ADAMTS2: variants seen among roughly 807,000 people sequenced by gnomAD.
ADAMTS2 encodes the protein A disintegrin and metalloproteinase with thrombospondin motifs 2.
ADAMTS2 carries 50 observed loss-of-function variants against 123.0 expected under a neutral mutation model. The observed-to-expected ratio is 0.41, with a 90% CI of 0.32 to 0.51. The LOEUF (loss-of-function observed/expected upper bound fraction) is 0.51. Among genes scored for constraint, ADAMTS2 ranks in the 20% least tolerant of loss-of-function variants. ADAMTS2 has a pLI of 0.35. For synonymous variants in ADAMTS2, 678 were observed against 695.4 expected (o/e 0.98, Z 0.39); for missense variants, 1,494 against 1,705.2 (o/e 0.88, Z 2.18).
intron 10 of ADAMTS2, among the ~76,000 whole-genome samples, chr5:179,144,708 G>A (rs1039983443): frequency 2.0e-5 from 3 of 152,164 alleles, no homozygotes; most frequent in Admixed American, 6.5e-5. Flanking sequence ...AAAGAATGAC[G>A]TTGGACATCT....
At chr5:179,166,910 G>A (rs1299260716) in intron 5 of ADAMTS2, among the ~76,000 whole-genome samples, 1 of 152,200 alleles carries the variant, frequency 6.6e-6, no homozygotes, top group Non-Finnish European at 1.5e-5. Flanking sequence ...CAGCGAACGC[G>A]GCCAGAGGAC....
intron 2 of ADAMTS2, among the ~76,000 whole-genome samples, chr5:179,299,983 A>C (rs1461097320): frequency 2.7e-5 from 4 of 150,690 alleles, no homozygotes; most frequent in African/African-American, 9.8e-5. Flanking sequence ...AGTCCCAGCT[A>C]CTCTGGAGGC....
intron 18 of ADAMTS2, 80 bp from the exon 19 acceptor site, chr5:179,125,260 T>C: frequency 1.5e-6 from 2 of 1,354,572 alleles, no homozygotes; most frequent in South Asian, 2.3e-5. Flanking sequence ...CGCCGCTCCC[T>C]GCAGCCCAGG....
At chr5:179,184,701 C>A (rs1277529706) in intron 4 of ADAMTS2, among the ~76,000 whole-genome samples, 2 of 152,076 alleles carry the variant, frequency 1.3e-5, no homozygotes, top group Non-Finnish European at 2.9e-5. Flanking sequence ...CACCCTGGGA[C>A]CCAGAATGGC....
chr5:179,231,826 G>A (rs549214792), intron 3 of ADAMTS2, among the ~76,000 whole-genome samples: 1 of 151,062 alleles, frequency 6.6e-6, no homozygotes, highest in Non-Finnish European at 1.5e-5. Flanking sequence ...GAGGGGGTAG[G>A]ATCACTTGAG....
intron 4 of ADAMTS2, among the ~76,000 whole-genome samples, chr5:179,195,311 A>T (rs1489361581): frequency 6.6e-6 from 1 of 151,990 alleles, no homozygotes; most frequent in East Asian, 1.9e-4. Flanking sequence ...CAGCCCCGGG[A>T]GTTGGCACTG....
intron 4 of ADAMTS2, among the ~76,000 whole-genome samples, chr5:179,186,725 A>G (rs565942539): frequency 6.6e-6 from 1 of 151,746 alleles, no homozygotes; most frequent in Non-Finnish European, 1.5e-5. Context: ...ACAGAAGGCG[A>G]CCTCCACATG....
chr5:179,329,197 G>T (rs553739050), intron 2 of ADAMTS2, among the ~76,000 whole-genome samples: 2 of 152,000 alleles, frequency 1.3e-5, no homozygotes, highest in African/African-American at 4.8e-5. Context: ...TGTGGTGGCG[G>T]GCGCCTGTAG....
At chr5:179,206,031 T>C (rs1185133679) in intron 4 of ADAMTS2, among the ~76,000 whole-genome samples, 1 of 152,162 alleles carries the variant, frequency 6.6e-6, no homozygotes, top group Non-Finnish European at 1.5e-5. Context: ...AGTGCTGGGA[T>C]TACAGGCGTG....
rs1244125229 is a variant in ADAMTS2 at position 179,162,700 on chromosome 5, C to A, written c.976-3821G>T. ...TTGATAGAATCTCAGTCCCGCCTACCGCAGGGCATGGACATTAAGAGACTG... is the reference window on the plus strand; with the variant it reads ...TTGATAGAATCTCAGTCCCGCCTACAGCAGGGCATGGACATTAAGAGACTG... On this transcript the variant is annotated intron_variant, in intron 5 of 21. Coordinates refer to ENST00000251582, the MANE Select transcript of ADAMTS2 (RefSeq NM_014244.5). This position sits in a 1 kb window ranked among gnomAD's most constrained non-coding sequence, Gnocchi z 5.1. 6.6e-6 allele frequency among the ~76,000 whole-genome samples: 1 copy of A among 152,234 alleles called. No individual in the cohort carries two copies. The highest frequency in any genetic ancestry group is 1.5e-5 in the Non-Finnish European group (1 of 68,042).
At chr5:179,227,191 G>A (rs79549859) in intron 3 of ADAMTS2, among the ~76,000 whole-genome samples, 1,859 of 152,050 alleles carry the variant, frequency 0.012, 43 homozygotes, top group African/African-American at 0.043. Context: ...GGTGTGCAGT[G>A]GCTGCCCTGC....
In ADAMTS2 at chr5:179,197,277, C is replaced by A. The variant is rs952718470; in HGVS notation, c.891+10236G>T. Reference sequence around the variant, plus strand: ...AAGACAGTTCAAGGTCTTTGTAGATCCTGATATTTAAGCAACACATTGAGG... The same window carrying A: ...AAGACAGTTCAAGGTCTTTGTAGATACTGATATTTAAGCAACACATTGAGG... On this transcript the variant is annotated intron_variant, in intron 4 of 21. Coordinates refer to ENST00000251582, the MANE Select transcript of ADAMTS2 (RefSeq NM_014244.5). This position sits in a 1 kb window ranked among gnomAD's most constrained non-coding sequence, Gnocchi z 4.2. Among the ~76,000 whole-genome samples the A allele has an allele frequency of 1.3e-5, 2 of 152,090 alleles. No individual in the cohort carries two copies. The highest frequency in any genetic ancestry group is 4.8e-5 in the African/African-American group (2 of 41,410).
chr5:179,314,441 C>T lies in ADAMTS2; in HGVS notation c.534+29326G>A, dbSNP rs574680081. Reference sequence around the variant, plus strand: ...ACCCCGTGGCGTGGCGTGGCGTGGCCGGAATACTCAGTTTTCCCTGCTTTT... The same window carrying T: ...ACCCCGTGGCGTGGCGTGGCGTGGCTGGAATACTCAGTTTTCCCTGCTTTT... On this transcript the variant is annotated intron_variant, in intron 2 of 21. Coordinates refer to ENST00000251582, the MANE Select transcript of ADAMTS2 (RefSeq NM_014244.5). The surrounding 1 kb of genome is among the most constrained non-coding windows in gnomAD (Gnocchi z 4.5). Among the ~76,000 whole-genome samples, 44 of 150,986 alleles carry T rather than the reference C, an allele frequency of 2.9e-4. No homozygotes were observed. Among genetic ancestry groups the T allele is most frequent in the African/African-American group, 8.3e-4 (34 of 40,898 alleles).
intron 2 of ADAMTS2, among the ~76,000 whole-genome samples, chr5:179,282,056 T>C (rs990107446): frequency 1.3e-5 from 2 of 152,246 alleles, no homozygotes; most frequent in African/African-American, 4.8e-5. Context: ...CCTTATTAGA[T>C]ATACAATTTA....
chr5:179,265,367 T>C (rs1174594827), intron 3 of ADAMTS2, among the ~76,000 whole-genome samples: 1 of 152,188 alleles, frequency 6.6e-6, no homozygotes, highest in Non-Finnish European at 1.5e-5. Flanking sequence ...ACTCAGGGAC[T>C]AAATTTATGT....
intron 2 of ADAMTS2, among the ~76,000 whole-genome samples, chr5:179,321,500 G>A (rs1168639758): frequency 6.6e-6 from 1 of 151,744 alleles, no homozygotes; most frequent in Admixed American, 6.6e-5. Context: ...CCCTCCTCTT[G>A]AACCTCTCTC....
At chr5:179,341,412 GA>G in intron 2 of ADAMTS2, 1 of 341,284 alleles carries the variant, frequency 2.9e-6, no homozygotes, top group Admixed American at 4.0e-5. Context: ...CAAGCGAAAA[GA>G]AAAGAGGCTG....
At chr5:179,120,551 G>T (rs1171885321) in intron 21 of ADAMTS2, 4 of 152,292 alleles carry the variant, frequency 2.6e-5, no homozygotes, top group Non-Finnish European at 5.9e-5. Context: ...GCCCGGCAGG[G>T]GTGCGGTGTG....
chr5:179,158,396 G>A lies in ADAMTS2; in HGVS notation c.1132+327C>T, dbSNP rs1195686922. Among the ~76,000 whole-genome samples the A allele has an allele frequency of 6.6e-6, 1 of 152,208 alleles. No individual in the cohort carries two copies. Among genetic ancestry groups the A allele is most frequent in the African/African-American group, 2.4e-5 (1 of 41,444 alleles). On this transcript the variant is annotated intron_variant, in intron 6 of 21. Transcript: ENST00000251582. The surrounding 1 kb of genome is among the most constrained non-coding windows in gnomAD (Gnocchi z 5.0). Reference sequence around the variant, plus strand: ...ATGTGAGATGCTCTCTGTCTATAGAGTGAGTGGAGGTGACAGGCCTCCTTT... The same window carrying A: ...ATGTGAGATGCTCTCTGTCTATAGAATGAGTGGAGGTGACAGGCCTCCTTT...
Sources: gnomAD v4.1 joint callset for allele counts (sites outside exome capture counted in the v4.1 genomes callset) on GRCh38, gnomAD v4.1.1 for gene constraint, Gnocchi (gnomAD v3.1) non-coding constraint, MANE v1.5 for transcripts, NCBI Gene and HGNC (gene_info 2026-07-23, HGNC 2026-07-21) for gene names.